The following ASB3 variants were observed in gnomAD, a reference collection of about 807,000 sequenced individuals.
ASB3 encodes ankyrin repeat and SOCS box containing 3, also known as ankyrin repeat and SOCS box protein 3.
ASB3 carries 41 observed loss-of-function variants against 54.5 expected under a neutral mutation model. The observed-to-expected ratio is 0.75, with a 90% CI of 0.59 to 0.98. The LOEUF is 0.98. ASB3 is among the 50% of genes least tolerant of loss of function. The probability of loss-of-function intolerance (pLI) is 0.00; values close to 1 mark genes in which losing one functional copy is unlikely to be tolerated. For synonymous variants in ASB3, 266 were observed against 221.2 expected (o/e 1.20, Z -1.80); for missense variants, 733 against 620.0 (o/e 1.18, Z -1.94).
intron 2 of ASB3, among the ~76,000 whole-genome samples, chr2:53,754,795 T>C (rs1672724239): frequency 6.6e-6 from 1 of 152,228 alleles, no homozygotes; most frequent in African/African-American, 2.4e-5. Context: ...TTAAGTACTG[T>C]CAAAGTTGTT....
At chr2:53,680,037 T>C (rs192908222) in intron 9 of ASB3, among the ~76,000 whole-genome samples, 15 of 152,306 alleles carry the variant, frequency 9.8e-5, no homozygotes, top group Non-Finnish European at 2.2e-4. Flanking sequence ...GATAATGGCC[T>C]CCAGCTCCAC....
intron 3 of ASB3, among the ~76,000 whole-genome samples, chr2:53,739,475 G>T (rs909348575): frequency 6.6e-6 from 1 of 152,082 alleles, no homozygotes; most frequent in Non-Finnish European, 1.5e-5. Context: ...TAAAGAAAAA[G>T]CTTTTTTAAG....
At chr2:53,682,737 A>G (rs1668441471) in intron 9 of ASB3, among the ~76,000 whole-genome samples, 2 of 152,098 alleles carry the variant, frequency 1.3e-5, no homozygotes, top group South Asian at 4.1e-4. Flanking sequence ...TCGGCCTCCC[A>G]AAGTGCTGGG....
chr2:53,716,450 T>C lies in ASB3; in HGVS notation c.782+116A>G, dbSNP rs1003646702. Reference sequence around the variant, plus strand: ...GGGGTAGATCTGTTCACCCAGCAGATTGGTAGGGAAGAGAATATCAAAGAC... The same window carrying C: ...GGGGTAGATCTGTTCACCCAGCAGACTGGTAGGGAAGAGAATATCAAAGAC... On this transcript the variant is annotated intron_variant, in intron 6 of 9. Coordinates refer to ENST00000263634, the MANE Select transcript of ASB3 (RefSeq NM_016115.5). The C allele has an allele frequency of 4.6e-6, 6 of 1,292,164 alleles. No homozygotes were observed. The South Asian group carries it at 4.7e-5, about 10-fold the overall frequency. The allele number at this position is 1,292,164 out of a possible 1,614,324, so 80.0% of individuals were successfully genotyped here. A position where few individuals can be genotyped will look rare whatever the true frequency, so the allele number is the denominator to read the frequency against.
chr2:53,773,437 T>G (rs1169147191), intron 1 of ASB3, among the ~76,000 whole-genome samples: 1 of 151,964 alleles, frequency 6.6e-6, no homozygotes, highest in African/African-American at 2.4e-5. Context: ...CTTTTATTTA[T>G]TTTTTATTTT....
intron 5 of ASB3, among the ~76,000 whole-genome samples, chr2:53,722,769 A>G (rs1166189073): frequency 6.6e-6 from 1 of 152,210 alleles, no homozygotes; most frequent in East Asian, 1.9e-4. Context: ...ATTCTCCTAG[A>G]GAAATGGAAG....
At chr2:53,776,041 C>G (rs1382332941) in intron 1 of ASB3, among the ~76,000 whole-genome samples, 7 of 152,132 alleles carry the variant, frequency 4.6e-5, no homozygotes. Context: ...GACATATAAT[C>G]TCTCTAGAAT....
In ASB3 at chr2:53,716,674, G is replaced by T; in HGVS notation, c.674C>A (p.Thr225Lys). ...PLFIAAQEGHTKCVELLLSSG... is the reference protein window; with the variant it reads ...PLFIAAQEGHKKCVELLLSSG... The stretch of plus-strand genomic sequence containing the variant: ...GGAGAGCAAAAGCTCCACACATTTT[G>T]TGTGTCCCTCTTGAGCAGCAATGAA... Residue 225 changes from threonine (T) to lysine (K), a missense_variant, in exon 6 of 10, where the codon ACA (threonine) becomes AAA (lysine). Transcript: ENST00000263634. 2 of 1,614,102 alleles carry T rather than the reference G, an allele frequency of 1.2e-6. No homozygotes were observed. The highest frequency in any genetic ancestry group is 1.7e-6 in the Non-Finnish European group (2 of 1,180,000).
chr2:53,757,402 C>T (rs1333549333), intron 2 of ASB3, among the ~76,000 whole-genome samples: 1 of 152,200 alleles, frequency 6.6e-6, no homozygotes, highest in Admixed American at 6.5e-5. Flanking sequence ...CCCGAACTCC[C>T]GGCGTTAGCT....
intron 1 of ASB3, chr2:53,767,883 G>A: frequency 6.2e-7 from 1 of 1,607,316 alleles, no homozygotes; most frequent in Non-Finnish European, 8.5e-7. Context: ...GGAGCCGCGA[G>A]AAGATGTGGG....
chr2:53,768,024 G>A lies in ASB3; in HGVS notation c.-13-2439C>T, dbSNP rs1041369956. On this transcript the variant is annotated intron_variant, in intron 1 of 9. Coordinates refer to ENST00000263634, the MANE Select transcript of ASB3 (RefSeq NM_016115.5). ...ACCACCGCGGGGTCCCCGGCAAGGT[G>A]AGGCGCCGGTCAGCTCCCCACACTT... The A allele has an allele frequency of 3.7e-6, 6 of 1,613,070 alleles. No homozygotes were observed. In the Admixed American group the frequency reaches 5.0e-5, roughly 13 times the overall value.
At chr2:53,744,375 ACT>A (rs1316461268) in intron 3 of ASB3, among the ~76,000 whole-genome samples, 1 of 144,814 alleles carries the variant, frequency 6.9e-6, no homozygotes, top group Non-Finnish European at 1.5e-5. Context: ...ACAGAGCGAG[ACT>A]CTGTCTCAAA....
In ASB3 at chr2:53,700,343, G is replaced by C; in HGVS notation, c.1166C>G (p.Ala389Gly). The C allele has an allele frequency of 1.9e-6, 3 of 1,614,050 alleles. No individual in the cohort carries two copies. Among genetic ancestry groups the C allele is most frequent in the Non-Finnish European group, 2.5e-6 (3 of 1,179,984 alleles). ...EFVNHAIKAQ[A>G]KYKEWLPHLL... ...ATGTGGCAACCACTCCTTATATTTT[G>C]CTTGTGCTTTAATTGCATGATTTAC... The change falls in exon 8 of 10, where the codon GCA (alanine) becomes GGA (glycine). Residue 389 changes from alanine (A) to glycine (G), a missense_variant. By Grantham distance (60) the Ala-to-Gly change is moderately conservative. Coordinates refer to ENST00000263634, the MANE Select transcript of ASB3 (RefSeq NM_016115.5).
chr2:53,712,317 T>C (rs1417576484), intron 7 of ASB3, among the ~76,000 whole-genome samples: 1 of 152,276 alleles, frequency 6.6e-6, no homozygotes, highest in African/African-American at 2.4e-5. Context: ...GGTTTTAAAT[T>C]CCTAAAGGAT....
rs560568958 is a variant in ASB3, at chr2:53,705,823, A to G, written c.981-5295T>C. 2.0e-5 allele frequency among the ~76,000 whole-genome samples: 3 copies of G among 152,130 alleles called. No individual in the cohort carries two copies. The South Asian group carries it at 6.2e-4, about 32-fold the overall frequency. ...CTTTAAATTTGTTTTTAACCTTTAA[A>G]TTTGTTAAACATTTGTAAATATTTG... is the stretch of plus-strand genomic sequence containing the variant. On this transcript the variant is annotated intron_variant, in intron 7 of 9. Transcript: ENST00000263634.
intron 1 of ASB3, chr2:53,774,236 C>G (rs759809478): frequency 8.7e-6 from 14 of 1,613,974 alleles, no homozygotes; most frequent in Non-Finnish European, 8.5e-7. Context: ...GGCTACAGAA[C>G]CACAACAGTC....
intron 8 of ASB3, among the ~76,000 whole-genome samples, chr2:53,697,577 C>T (rs1006990007): frequency 6.6e-6 from 1 of 152,112 alleles, no homozygotes; most frequent in Non-Finnish European, 1.5e-5. Context: ...GCATAATTTA[C>T]CTTAAATTCC....
At chr2:53,716,338 T>C (rs1205887712) in intron 6 of ASB3, among the ~76,000 whole-genome samples, 5 of 151,746 alleles carry the variant, frequency 3.3e-5, no homozygotes, top group Admixed American at 2.6e-4. Context: ...AGAAAGTCCC[T>C]GAGCCTACCC....
intron 3 of ASB3, among the ~76,000 whole-genome samples, chr2:53,736,202 G>C (rs1671618702): frequency 6.6e-6 from 1 of 152,134 alleles, no homozygotes; most frequent in Admixed American, 6.5e-5. Context: ...TCACAAAGGA[G>C]GATATGCAAA....
Sources: allele counts gnomAD v4.1 joint callset (sites outside exome capture counted in the v4.1 genomes callset), GRCh38; gene constraint gnomAD v4.1.1; transcripts MANE v1.5; gene names NCBI Gene and HGNC (gene_info 2026-07-23, HGNC 2026-07-21).